PREP: variants seen among roughly 807,000 people sequenced by gnomAD.
The protein encoded by PREP is dJ355L5.1 (prolyl endopeptidase).
In PREP, 29 loss-of-function variants were observed where a neutral mutation model predicts 87.6. That is an observed-to-expected ratio of 0.33 (90% confidence interval 0.25 to 0.45). The LOEUF is 0.45. PREP is among the 20% of genes least tolerant of loss of function. The pLI is 1.00. For synonymous variants in PREP, 337 were observed against 328.6 expected (o/e 1.03, Z -0.28); for missense variants, 695 against 886.5 (o/e 0.78, Z 2.74).
chr6:105,402,418 T>TCACACACACACACACA (rs36086068), intron 1 of PREP, among the ~76,000 whole-genome samples: 21 of 147,220 alleles, frequency 1.4e-4, no homozygotes, highest in African/African-American at 4.9e-4. Flanking sequence ...AAATGTGACA[T>TCACACACACACACACA]CACACACACA....
intron 2 of PREP, among the ~76,000 whole-genome samples, chr6:105,390,220 C>T (rs1409822258): frequency 1.3e-5 from 2 of 152,166 alleles, no homozygotes; most frequent in African/African-American, 4.8e-5. Flanking sequence ...GGGTCACTTC[C>T]AGCTAGTCAG....
chr6:105,305,283 T>A lies in PREP; in HGVS notation c.1318-16389A>T, dbSNP rs61484255. On this transcript the variant is annotated intron_variant, in intron 10 of 14. Transcript: ENST00000652536. ...TGAACTACTAAAGAGAGGCAGATGTTAGTGGGGAAAAAGCAGAGCAGTGTT... is the reference window on the plus strand; with the variant it reads ...TGAACTACTAAAGAGAGGCAGATGTAAGTGGGGAAAAAGCAGAGCAGTGTT... Among the ~76,000 whole-genome samples, 1,223 of 152,224 alleles carry A rather than the reference T, an allele frequency of 8.0e-3. 40 individuals are homozygous for A. In the East Asian group the frequency reaches 0.1, roughly 13 times the overall value.
intron 8 of PREP, among the ~76,000 whole-genome samples, chr6:105,330,911 T>G (rs529679267): frequency 2.6e-5 from 4 of 152,348 alleles, no homozygotes; most frequent in South Asian, 4.1e-4. Flanking sequence ...CAATGCACTT[T>G]CTTAAAAAAC....
intron 10 of PREP, among the ~76,000 whole-genome samples, chr6:105,303,001 C>T (rs573816129): frequency 1.3e-5 from 2 of 152,246 alleles, no homozygotes; most frequent in South Asian, 2.1e-4. Context: ...ACTCCTGCTT[C>T]CAATCTGAGC....
rs753279673 is a variant in PREP at position 105,402,913 on chromosome 6, A to G, written c.-22T>C. 3 of 1,421,160 alleles carry G rather than the reference A, an allele frequency of 2.1e-6. No individual in the cohort carries two copies. Among genetic ancestry groups the G allele is most frequent in the Non-Finnish European group, 2.8e-6 (3 of 1,054,650 alleles). 88.0% of individuals were successfully genotyped at this position (1,421,160 alleles called of 1,614,324 possible). ...GCATGGCCGGGGACAGGCAGGGGGC[A>G]GCGTGGAGGGGCGCGGGCTCCGGGA... On this transcript the variant is annotated 5_prime_UTR_variant, in exon 1 of 15. Transcript: ENST00000652536.
In PREP at chr6:105,277,680, GT is replaced by G. The variant is rs1478097633; in HGVS notation, c.*463del. The G allele has an allele frequency of 6.4e-6, 1 of 157,456 alleles. No homozygotes were observed. Among genetic ancestry groups the G allele is most frequent in the Admixed American group, 6.1e-5 (1 of 16,362 alleles). 9.8% of individuals were successfully genotyped at this position (157,456 alleles called of 1,614,324 possible). A position where few individuals can be genotyped will look rare whatever the true frequency, so the allele number is the denominator to read the frequency against. ...TCTCACAGAAAACTCCACTTCTGGA[GT>G]TGCCCCTCAATATGAAGAAACCGGA... is the stretch of plus-strand genomic sequence containing the variant. On this transcript the variant is annotated 3_prime_UTR_variant, in exon 15 of 15. Coordinates refer to ENST00000652536, the MANE Select transcript of PREP (RefSeq NM_002726.5).
intron 8 of PREP, among the ~76,000 whole-genome samples, chr6:105,332,174 C>T (rs532715968): frequency 6.6e-6 from 1 of 152,004 alleles, no homozygotes; most frequent in Non-Finnish European, 1.5e-5. Context: ...AACAGACTCT[C>T]AAGAAAAACC....
At chr6:105,393,294 A>T (rs1267274623) in intron 2 of PREP, among the ~76,000 whole-genome samples, 3 of 152,178 alleles carry the variant, frequency 2.0e-5, no homozygotes, top group South Asian at 2.1e-4. Flanking sequence ...TATTTAATTT[A>T]GGTTGGCTAA....
chr6:105,327,535 C>T (rs1284195321), intron 9 of PREP, among the ~76,000 whole-genome samples: 1 of 152,104 alleles, frequency 6.6e-6, no homozygotes, highest in Non-Finnish European at 1.5e-5. Context: ...AGCAACCTAC[C>T]ACCACTATAA....
chr6:105,281,518 G>T, intron 14 of PREP: 1 of 457,606 alleles, frequency 2.2e-6, no homozygotes, highest in South Asian at 3.2e-5. Flanking sequence ...GGAATCTTGG[G>T]AGGCCATCTG....
At chr6:105,309,873 C>T (rs1409489291) in intron 10 of PREP, among the ~76,000 whole-genome samples, 1 of 152,182 alleles carries the variant, frequency 6.6e-6, no homozygotes, top group Non-Finnish European at 1.5e-5. Context: ...TATCAATGCA[C>T]CAAGGCAATC....
At chr6:105,338,608 T>C (rs1477628887) in intron 7 of PREP, among the ~76,000 whole-genome samples, 3 of 152,132 alleles carry the variant, frequency 2.0e-5, no homozygotes, top group Non-Finnish European at 4.4e-5. Context: ...AACCAGGAAA[T>C]GCAAGGGGTC....
At chr6:105,386,494 T>C (rs67151387) in intron 2 of PREP, among the ~76,000 whole-genome samples, 1 of 152,026 alleles carries the variant, frequency 6.6e-6, no homozygotes, top group South Asian at 2.1e-4. Context: ...ATTCAAATGG[T>C]CAGAGGATCT....
chr6:105,371,408 G>A (rs1171019500), intron 5 of PREP, among the ~76,000 whole-genome samples: 1 of 149,094 alleles, frequency 6.7e-6, no homozygotes, highest in African/African-American at 2.5e-5. Context: ...GGCTGAGGCA[G>A]GAGAATCACT....
At chr6:105,284,320 T>C (rs1770142124) in intron 12 of PREP, among the ~76,000 whole-genome samples, 1 of 152,140 alleles carries the variant, frequency 6.6e-6, no homozygotes, top group African/African-American at 2.4e-5. Context: ...CTGGGGTGCA[T>C]GCTGGATGCC....
At chr6:105,314,191 G>A (rs1770814787) in intron 10 of PREP, among the ~76,000 whole-genome samples, 3 of 152,228 alleles carry the variant, frequency 2.0e-5, no homozygotes, top group African/African-American at 7.2e-5. Context: ...TGGGTCTTCA[G>A]TGAGTTGTAA....
chr6:105,340,410 A>C (rs1173340807), intron 7 of PREP, among the ~76,000 whole-genome samples: 2 of 152,218 alleles, frequency 1.3e-5, no homozygotes, highest in Non-Finnish European at 2.9e-5. Context: ...CATGGAAAGG[A>C]ACAACCGGTA....
At chr6:105,290,401 T>C (rs1229040166) in intron 10 of PREP, among the ~76,000 whole-genome samples, 1 of 152,054 alleles carries the variant, frequency 6.6e-6, no homozygotes, top group Non-Finnish European at 1.5e-5. Flanking sequence ...CACATGATGC[T>C]ACCTTCACTG....
chr6:105,338,618 C>A (rs142876846), intron 7 of PREP, among the ~76,000 whole-genome samples: 1 of 152,164 alleles, frequency 6.6e-6, no homozygotes, highest in African/African-American at 2.4e-5. Flanking sequence ...TGCAAGGGGT[C>A]GGGTAATTCC....
Sources: gnomAD v4.1 joint callset for allele counts (sites outside exome capture counted in the v4.1 genomes callset) on GRCh38, gnomAD v4.1.1 for gene constraint, MANE v1.5 for transcripts, NCBI Gene and HGNC (gene_info 2026-07-23, HGNC 2026-07-21) for gene names.